Variants in DNAJC3 observed in about 807,000 individuals in gnomAD.
DNAJC3 encodes dnaJ homolog subfamily C member 3.
In DNAJC3, 38 loss-of-function variants were observed where a neutral mutation model predicts 68.6. The ratio of observed to expected loss-of-function variants is 0.55; its 90% CI spans 0.43 to 0.73. The LOEUF is 0.73. DNAJC3 is among the 30% of genes least tolerant of loss of function. The pLI is 0.00. For synonymous variants in DNAJC3, 203 were observed against 204.0 expected (o/e 1.00, Z 0.04); for missense variants, 526 against 591.9 (o/e 0.89, Z 1.16).
intron 1 of DNAJC3, among the ~76,000 whole-genome samples, chr13:95,697,160 A>G (rs976046894): frequency 6.6e-6 from 1 of 152,194 alleles, no homozygotes; most frequent in Non-Finnish European, 1.5e-5. Context: ...GGCAAACATC[A>G]TCCTTTTGTT....
chr13:95,787,266 A>G, intron 11 of DNAJC3, 111 bp downstream of exon 11: 1 of 1,374,322 alleles, frequency 7.3e-7, no homozygotes. Flanking sequence ...ACGGGTCCTG[A>G]GCCCAGTTCC....
chr13:95,755,230 G>A (rs1057369061), intron 4 of DNAJC3, among the ~76,000 whole-genome samples: 1 of 152,118 alleles, frequency 6.6e-6, no homozygotes, highest in Admixed American at 6.5e-5. Context: ...AGGATCACCT[G>A]AGGCCCGGAG....
At chr13:95,748,816 AAAACAAAC>A (rs751954606) in intron 4 of DNAJC3, among the ~76,000 whole-genome samples, 1 of 152,232 alleles carries the variant, frequency 6.6e-6, no homozygotes, top group African/African-American at 2.4e-5. Flanking sequence ...ACTCCGTCTC[AAAACAAAC>A]AAACAAACAA....
At chr13:95,704,442 GAA>G (rs1880664679) in intron 1 of DNAJC3, among the ~76,000 whole-genome samples, 1 of 152,194 alleles carries the variant, frequency 6.6e-6, no homozygotes, top group South Asian at 2.1e-4. Flanking sequence ...TGCTGCTGCT[GAA>G]GTCTTCAGTA....
chr13:95,683,051 T>C (rs1048709415), intron 1 of DNAJC3, among the ~76,000 whole-genome samples: 3 of 152,146 alleles, frequency 2.0e-5, no homozygotes, highest in Admixed American at 2.0e-4. Context: ...TGAAAAGCAA[T>C]ATATAGAGAG....
chr13:95,683,148 A>G (rs1286340508), intron 1 of DNAJC3, among the ~76,000 whole-genome samples: 1 of 152,244 alleles, frequency 6.6e-6, no homozygotes, highest in Non-Finnish European at 1.5e-5. Flanking sequence ...TCCCTCTCTC[A>G]AAACAATACA....
chr13:95,778,383 T>A (rs1349852246), intron 9 of DNAJC3, among the ~76,000 whole-genome samples: 1 of 152,216 alleles, frequency 6.6e-6, no homozygotes, highest in Admixed American at 6.5e-5. Flanking sequence ...GTGAGTTATT[T>A]GCACGCCATT....
intron 4 of DNAJC3, among the ~76,000 whole-genome samples, chr13:95,740,468 G>A (rs1342285582): frequency 3.9e-5 from 6 of 152,162 alleles, no homozygotes; most frequent in Non-Finnish European, 5.9e-5. Context: ...GCGAGACTCC[G>A]TGGGCGTAGG....
chr13:95,758,326 G>A (rs1245242544), intron 5 of DNAJC3, among the ~76,000 whole-genome samples: 1 of 151,916 alleles, frequency 6.6e-6, no homozygotes, highest in Non-Finnish European at 1.5e-5. Context: ...GACAGAATGG[G>A]ACCCTGCCTC....
rs530179803 is a variant in DNAJC3, at chr13:95,740,230, T to C, written c.393+14978T>C. On this transcript the variant is annotated intron_variant, in intron 4 of 11. Transcript: ENST00000602402. ...TCTCTTCAAAGCTGTCAGACAGGGA[T>C]ATTTAAGTCTTCAGAGGTTACTGCT... 2.8e-3 allele frequency among the ~76,000 whole-genome samples: 428 copies of C among 152,328 alleles called. 2 individuals carry two copies. The highest frequency in any genetic ancestry group is 4.8e-3 in the Non-Finnish European group (329 of 68,042).
intron 1 of DNAJC3, among the ~76,000 whole-genome samples, chr13:95,697,744 T>C (rs1880481806): frequency 6.6e-6 from 1 of 151,988 alleles, no homozygotes; most frequent in African/African-American, 2.4e-5. Flanking sequence ...AAATTCTTTT[T>C]TTTTGTCTGA....
intron 4 of DNAJC3, 44 bp from the exon 5 acceptor site, chr13:95,757,600 T>A: frequency 2.0e-6 from 3 of 1,495,514 alleles, no homozygotes; most frequent in Non-Finnish European, 2.7e-6. Flanking sequence ...GGTATCAGAT[T>A]TAAGAGATTA....
At chr13:95,735,199 T>A (rs1364496792) in intron 4 of DNAJC3, among the ~76,000 whole-genome samples, 1 of 137,628 alleles carries the variant, frequency 7.3e-6, no homozygotes, top group African/African-American at 2.8e-5. Context: ...ATGTGCCACA[T>A]TTTCTTAATC....
intron 4 of DNAJC3, among the ~76,000 whole-genome samples, chr13:95,735,427 AG>A (rs1173211916): frequency 4.8e-5 from 6 of 125,132 alleles, no homozygotes; most frequent in Non-Finnish European, 8.2e-5. Flanking sequence ...ACTAGTTTAC[AG>A]TCCCACCAAC....
intron 1 of DNAJC3, among the ~76,000 whole-genome samples, chr13:95,688,932 GTGTGT>G (rs1880145455): frequency 9.7e-6 from 1 of 102,778 alleles, no homozygotes; most frequent in Admixed American, 1.1e-4. Flanking sequence ...GTGTGGGTGT[GTGTGT>G]GTGTGTGTGT....
intron 2 of DNAJC3, among the ~76,000 whole-genome samples, chr13:95,722,614 A>T (rs1477909846): frequency 4.1e-5 from 3 of 72,464 alleles, no homozygotes; most frequent in African/African-American, 2.1e-4. Context: ...ACAAAAAATT[A>T]AAAAAAAAAA....
intron 9 of DNAJC3, among the ~76,000 whole-genome samples, chr13:95,773,100 TG>T (rs1342037583): frequency 2.0e-5 from 3 of 150,616 alleles, no homozygotes; most frequent in Non-Finnish European, 4.4e-5. Flanking sequence ...TCTTGGAAGT[TG>T]GTTTTTGATT....
chr13:95,764,193 C>CT (rs1882904013), intron 9 of DNAJC3, among the ~76,000 whole-genome samples: 1 of 151,580 alleles, frequency 6.6e-6, no homozygotes, highest in South Asian at 2.1e-4. Context: ...AATATTTTAG[C>CT]TTTTTTTGTA....
intron 3 of DNAJC3, among the ~76,000 whole-genome samples, chr13:95,724,691 C>T (rs1213274228): frequency 6.6e-6 from 1 of 152,158 alleles, no homozygotes; most frequent in Non-Finnish European, 1.5e-5. Flanking sequence ...TAGCTCCTGG[C>T]AACCACTTAT....
Sources: allele counts gnomAD v4.1 joint callset (sites outside exome capture counted in the v4.1 genomes callset), GRCh38; gene constraint gnomAD v4.1.1; transcripts MANE v1.5; gene names NCBI Gene and HGNC (gene_info 2026-07-23, HGNC 2026-07-21).